Variants in GNAT3 observed in about 807,000 individuals in gnomAD.
GNAT3 encodes the protein guanine nucleotide-binding protein G(t) subunit alpha-3.
A neutral mutation model predicts 37.7 loss-of-function variants in GNAT3; 31 were observed. That is an observed-to-expected ratio of 0.82 (90% CI 0.62 to 1.11). GNAT3 has a LOEUF of 1.11. GNAT3 is among the 50% of genes most tolerant of loss of function. GNAT3 has a pLI of 0.00. For synonymous variants in GNAT3, 138 were observed against 139.8 expected (o/e 0.99, Z 0.09); for missense variants, 437 against 412.5 (o/e 1.06, Z -0.51).
At chr7:80,466,248 T>G (rs1182369345) in intron 5 of GNAT3, among the ~76,000 whole-genome samples, 3 of 152,260 alleles carry the variant, frequency 2.0e-5, no homozygotes, top group Admixed American at 2.0e-4. Flanking sequence ...ATGCCTCAGG[T>G]AAGTTTTCTC....
chr7:80,493,536 A>G (rs1790634641), intron 2 of GNAT3, among the ~76,000 whole-genome samples: 1 of 152,158 alleles, frequency 6.6e-6, no homozygotes, highest in Non-Finnish European at 1.5e-5. Flanking sequence ...CCCAAAGAAC[A>G]AGATCCTTTA....
At position 80,505,165 on chromosome 7, in the gene GNAT3, A is replaced by G. The variant is rs75490602; in HGVS notation, c.118+6644T>C. ...GGTAAATGGAGAACTCTGAGGGATT[A>G]TCCAGGGTTGAGGGTTTGAATGTCA... is the stretch of plus-strand genomic sequence containing the variant. On this transcript the variant is annotated intron_variant, in intron 1 of 7. Coordinates refer to ENST00000398291, the MANE Select transcript of GNAT3 (RefSeq NM_001102386.3). 7.9e-3 allele frequency among the ~76,000 whole-genome samples: 1,208 copies of G among 152,230 alleles called. 14 individuals are homozygous for G. Among genetic ancestry groups the G allele is most frequent in the African/African-American group, 0.028 (1,147 of 41,564 alleles).
At chr7:80,470,033 G>A (rs1432063093) in intron 5 of GNAT3, among the ~76,000 whole-genome samples, 1 of 151,946 alleles carries the variant, frequency 6.6e-6, no homozygotes, top group South Asian at 2.1e-4. Context: ...ATAAAGACTT[G>A]TTTTTAGAAA....
intron 3 of GNAT3, among the ~76,000 whole-genome samples, chr7:80,483,897 A>C (rs1243712617): frequency 6.6e-6 from 1 of 152,100 alleles, no homozygotes; most frequent in East Asian, 1.9e-4. Flanking sequence ...GGTATTTGGA[A>C]AAGCTTGGGA....
intron 5 of GNAT3, among the ~76,000 whole-genome samples, chr7:80,466,027 G>A (rs910758953): frequency 2.6e-5 from 4 of 151,952 alleles, no homozygotes; most frequent in African/African-American, 9.7e-5. Flanking sequence ...CCCCACCCAC[G>A]GGGTTTTTAA....
At chr7:80,466,501 G>A (rs1790132493) in intron 5 of GNAT3, among the ~76,000 whole-genome samples, 1 of 151,988 alleles carries the variant, frequency 6.6e-6, no homozygotes, top group Non-Finnish European at 1.5e-5. Context: ...TTACCTCAGA[G>A]AAAAATCATC....
chr7:80,492,635 T>G (rs1384689581), intron 2 of GNAT3, among the ~76,000 whole-genome samples: 7 of 151,676 alleles, frequency 4.6e-5, no homozygotes, highest in Non-Finnish European at 7.4e-5. Flanking sequence ...GGCTTTTATA[T>G]TATTGAATTA....
chr7:80,461,585 A>AAAAT (rs3069523), intron 7 of GNAT3, among the ~76,000 whole-genome samples: 42,246 of 151,324 alleles, frequency 0.28, 6,743 homozygotes, highest in East Asian at 0.59. Context: ...ACTATTTACA[A>AAAAT]AAATAAATAA....
intron 1 of GNAT3, among the ~76,000 whole-genome samples, chr7:80,505,501 G>A (rs1434282265): frequency 6.6e-6 from 1 of 151,984 alleles, no homozygotes; most frequent in East Asian, 1.9e-4. Context: ...CGAGTAGCTG[G>A]GACTACAGGC....
intron 3 of GNAT3, 100 bp from the exon 4 acceptor site, chr7:80,479,098 T>G: frequency 3.5e-6 from 3 of 850,056 alleles, no homozygotes; most frequent in Non-Finnish European, 5.3e-6. Flanking sequence ...ATCTTATTCT[T>G]TTAGCTAATA....
Position 80,458,742 on chromosome 7 carries a change from C to T in GNAT3, c.994G>A (p.Val332Ile), listed in dbSNP as rs757519562. The change falls in exon 8 of 8, where the codon GTC becomes ATC. Residue 332 changes from valine (V) to isoleucine (I), a missense_variant. Val to Ile is a conservative substitution (Grantham distance 29). Coordinates refer to ENST00000398291, the MANE Select transcript of GNAT3 (RefSeq NM_001102386.3). ...GTAACTGCGTCAAACACAAACTTGA[C>T]ATTTTGGGTGTCAGTAGCACAGGTC... Reference protein sequence around the residue: ...HMTCATDTQNVKFVFDAVTDI... With the variant: ...HMTCATDTQNIKFVFDAVTDI... The T allele has an allele frequency of 4.9e-5, 78 of 1,600,544 alleles. No individual in the cohort carries two copies. In the South Asian group the frequency reaches 8.8e-4, roughly 18 times the overall value.
At chr7:80,462,970 A>G (rs1790075861) in intron 5 of GNAT3, among the ~76,000 whole-genome samples, 1 of 152,150 alleles carries the variant, frequency 6.6e-6, no homozygotes, top group Non-Finnish European at 1.5e-5. Flanking sequence ...TCTTGAATGA[A>G]AAGAAACTGC....
intron 5 of GNAT3, among the ~76,000 whole-genome samples, chr7:80,468,601 T>C (rs1167593582): frequency 6.6e-6 from 1 of 152,136 alleles, no homozygotes; most frequent in Middle Eastern, 3.2e-3. Context: ...CAGGTGGATC[T>C]GTGTCTTCAC....
intron 1 of GNAT3, among the ~76,000 whole-genome samples, chr7:80,511,542 T>C (rs1331106529): frequency 6.6e-6 from 1 of 152,118 alleles, no homozygotes; most frequent in Non-Finnish European, 1.5e-5. Context: ...CTGATTTTTA[T>C]TTTAATAATA....
chr7:80,460,557 G>A (rs528079471), intron 7 of GNAT3, among the ~76,000 whole-genome samples: 2 of 152,198 alleles, frequency 1.3e-5, no homozygotes, highest in Non-Finnish European at 2.9e-5. Context: ...AGACCAGCCT[G>A]GCCAACATGG....
chr7:80,462,707 G>A (rs1790071814), intron 5 of GNAT3, 76 bp from the exon 6 acceptor site: 2 of 1,061,816 alleles, frequency 1.9e-6, no homozygotes, highest in Non-Finnish European at 2.7e-6. Flanking sequence ...ACATTTAGAG[G>A]TATAAATGGG....
intron 4 of GNAT3, among the ~76,000 whole-genome samples, chr7:80,477,488 T>G (rs1790326336): frequency 6.6e-6 from 1 of 152,134 alleles, no homozygotes; most frequent in African/African-American, 2.4e-5. Flanking sequence ...ATCAGAGAGC[T>G]AGGAAAAACT....
chr7:80,459,123 C>G (rs970803418), intron 7 of GNAT3, among the ~76,000 whole-genome samples: 2 of 152,014 alleles, frequency 1.3e-5, no homozygotes, highest in Non-Finnish European at 2.9e-5. Context: ...GTGAGTGATA[C>G]AAACTTACGT....
intron 1 of GNAT3, among the ~76,000 whole-genome samples, chr7:80,498,148 C>T (rs2116216360): frequency 6.6e-6 from 1 of 152,184 alleles, no homozygotes; most frequent in Non-Finnish European, 1.5e-5. Flanking sequence ...AGTTAATGTA[C>T]ATTCAGAATG....
Sources: gnomAD v4.1 joint callset for allele counts (sites outside exome capture counted in the v4.1 genomes callset) on GRCh38, gnomAD v4.1.1 for gene constraint, MANE v1.5 for transcripts, NCBI Gene and HGNC (gene_info 2026-07-23, HGNC 2026-07-21) for gene names.